The following KLF13 variants were observed in gnomAD, a reference collection of about 807,000 sequenced individuals.
The protein encoded by KLF13 is KLF transcription factor 13, also known as Krueppel-like factor 13.
KLF13 carries 8 observed loss-of-function variants against 16.7 expected under a neutral mutation model. The observed-to-expected ratio is 0.48, with a 90% CI of 0.28 to 0.87. The LOEUF is 0.87. Ranked by LOEUF, KLF13 falls within the 40% of genes least tolerant of loss-of-function variation. KLF13 has a pLI of 0.10. For synonymous variants in KLF13, 245 were observed against 208.4 expected (o/e 1.18, Z -1.51); for missense variants, 447 against 452.2 (o/e 0.99, Z 0.10).
chr15:31,341,031 G>A (rs1170057472), intron 1 of KLF13, among the ~76,000 whole-genome samples: 1 of 152,162 alleles, frequency 6.6e-6, no homozygotes, highest in East Asian at 1.9e-4. Flanking sequence ...GGAGCCCCGA[G>A]ACATTGCTGT....
chr15:31,329,217 G>A (rs987972056), intron 1 of KLF13, among the ~76,000 whole-genome samples: 3 of 151,436 alleles, frequency 2.0e-5, no homozygotes, highest in African/African-American at 7.3e-5. Flanking sequence ...TTGGGGGTGG[G>A]AGTCAGTGTG....
At chr15:31,421,576 G>A (rs1461694596) in intron 1 of KLF13, among the ~76,000 whole-genome samples, 1 of 151,916 alleles carries the variant, frequency 6.6e-6, no homozygotes, top group Non-Finnish European at 1.5e-5. Flanking sequence ...AAAATAAATG[G>A]CTATAATGAT....
chr15:31,428,760 G>A (rs916716422), intron 1 of KLF13, among the ~76,000 whole-genome samples: 2 of 123,442 alleles, frequency 1.6e-5, no homozygotes, highest in Admixed American at 2.1e-4. Flanking sequence ...CCGAGATCGC[G>A]CCACTGCAGT....
chr15:31,344,924 C>G (rs2039087783), intron 1 of KLF13, among the ~76,000 whole-genome samples: 1 of 152,144 alleles, frequency 6.6e-6, no homozygotes, highest in Non-Finnish European at 1.5e-5. Context: ...GGCCAAGGTT[C>G]CAGGGTTCAG....
intron 1 of KLF13, among the ~76,000 whole-genome samples, chr15:31,383,686 G>T (rs765444148): frequency 5.3e-5 from 8 of 152,014 alleles, no homozygotes; most frequent in Non-Finnish European, 1.2e-4. Context: ...AGATCACGAG[G>T]TCAGGAGATC....
At chr15:31,335,476 TATGGTGGCGGGGCA>T (rs2038915586) in intron 1 of KLF13, among the ~76,000 whole-genome samples, 5 of 8,348 alleles carry the variant, frequency 6.0e-4, no homozygotes, top group South Asian at 0.011. Context: ...TGTGTGTGTG[TATGGTGGCGGGGCA>T]GGGGGCGGGG....
downstream of KLF13, among the ~76,000 whole-genome samples, chr15:31,409,249 C>T (rs1409301958): frequency 1.3e-5 from 2 of 152,092 alleles, no homozygotes; most frequent in African/African-American, 2.4e-5. Flanking sequence ...TGTGCCATTG[C>T]ACTCCAGCCT....
chr15:31,431,962 G>A (rs920722144), intron 1 of KLF13, among the ~76,000 whole-genome samples: 1 of 151,770 alleles, frequency 6.6e-6, no homozygotes, highest in Admixed American at 6.6e-5. Context: ...GCAGAGATCT[G>A]GGGAAGGGCA....
chr15:31,394,390 G>C (rs2039924181), intron 2 of KLF13, among the ~76,000 whole-genome samples: 1 of 152,066 alleles, frequency 6.6e-6, no homozygotes, highest in African/African-American at 2.4e-5. Flanking sequence ...GGGAGGCTGA[G>C]GCGACAGAAT....
At chr15:31,367,450 ACACC>A (rs1180189936) in intron 1 of KLF13, among the ~76,000 whole-genome samples, 2 of 152,044 alleles carry the variant, frequency 1.3e-5, no homozygotes, top group Non-Finnish European at 2.9e-5. Flanking sequence ...GCTGCACCCA[ACACC>A]CACCTTCCTC....
chr15:31,415,667 A>G (rs2040246516), intron 1 of KLF13, among the ~76,000 whole-genome samples: 1 of 152,188 alleles, frequency 6.6e-6, no homozygotes, highest in South Asian at 2.1e-4. Flanking sequence ...TTATAGCTGT[A>G]AATACCTATG....
intron 1 of KLF13, among the ~76,000 whole-genome samples, chr15:31,335,439 G>A (rs1226123389): frequency 1.4e-5 from 1 of 69,984 alleles, no homozygotes; most frequent in Non-Finnish European, 3.3e-5. Context: ...GTGTGTATGT[G>A]TGTGTGTGTG....
At chr15:31,422,500 C>T (rs1415380084) in intron 1 of KLF13, among the ~76,000 whole-genome samples, 1 of 109,036 alleles carries the variant, frequency 9.2e-6, no homozygotes, top group African/African-American at 3.8e-5. Flanking sequence ...GAAACCATCC[C>T]CATGATCAAA....
chr15:31,339,739 C>T (rs1292631658), intron 1 of KLF13, among the ~76,000 whole-genome samples: 1 of 152,230 alleles, frequency 6.6e-6, no homozygotes, highest in African/African-American at 2.4e-5. Flanking sequence ...TTGTTTATAC[C>T]TTGTTGGTGT....
intron 1 of KLF13, among the ~76,000 whole-genome samples, chr15:31,433,365 C>A (rs923595177): frequency 6.6e-6 from 1 of 152,122 alleles, no homozygotes; most frequent in African/African-American, 2.4e-5. Context: ...CGAGGAGTCC[C>A]TTTGCAGATG....
At chr15:31,423,103 A>G (rs1281234239) in intron 1 of KLF13, among the ~76,000 whole-genome samples, 4 of 121,492 alleles carry the variant, frequency 3.3e-5, no homozygotes, top group East Asian at 2.3e-4. Flanking sequence ...ATATATACGT[A>G]TACGTATACG....
At chr15:31,329,460 A>G (rs2038787587) in intron 1 of KLF13, among the ~76,000 whole-genome samples, 1 of 150,338 alleles carries the variant, frequency 6.7e-6, no homozygotes, top group African/African-American at 2.5e-5. Context: ...ACTCGGCAGC[A>G]CCGGTAGCGG....
At chr15:31,417,667 G>A (rs1035233673) in intron 1 of KLF13, among the ~76,000 whole-genome samples, 5 of 151,380 alleles carry the variant, frequency 3.3e-5, no homozygotes, top group South Asian at 2.1e-4. Context: ...TCAGCCTCCC[G>A]AGTAGCTGGG....
chr15:31,383,680 C>T (rs1465628696), intron 1 of KLF13, among the ~76,000 whole-genome samples: 1 of 152,198 alleles, frequency 6.6e-6, no homozygotes, highest in African/African-American at 2.4e-5. Flanking sequence ...GCGGGCAGAT[C>T]ACGAGGTCAG....
Sources: allele counts gnomAD v4.1 joint callset (sites outside exome capture counted in the v4.1 genomes callset), GRCh38; gene constraint gnomAD v4.1.1; transcripts MANE v1.5; gene names NCBI Gene and HGNC (gene_info 2026-07-23, HGNC 2026-07-21).